Variants in WWOX observed in about 807,000 individuals in gnomAD.
WWOX encodes the protein WW domain-containing oxidoreductase.
Under a neutral mutation model 46.2 loss-of-function variants are expected in WWOX, and 69 were observed. That is an observed-to-expected ratio of 1.49 (90% CI 1.23 to 1.82). The LOEUF (loss-of-function observed/expected upper bound fraction) is 1.82. Among genes scored for constraint, WWOX ranks in the 40% most tolerant of loss-of-function variants. The pLI, the probability that WWOX is intolerant of heterozygous loss-of-function variation, is 0.00. For synonymous variants in WWOX, 359 were observed against 202.6 expected, an observed-to-expected ratio of 1.77 and a Z score of -6.56; for missense variants, 919 against 542.6, an observed-to-expected ratio of 1.69 and a Z score of -6.89.
At chr16:78,820,115 G>T (rs2051451901) in intron 8 of WWOX, among the ~76,000 whole-genome samples, 1 of 152,068 alleles carries the variant, frequency 6.6e-6, no homozygotes, top group Admixed American at 6.6e-5. Context: ...CATGGGCCTG[G>T]CACTCTAGTA....
chr16:79,207,750 G>A (rs931187932), intron 8 of WWOX, among the ~76,000 whole-genome samples: 7 of 151,728 alleles, frequency 4.6e-5, no homozygotes, highest in African/African-American at 1.5e-4. Flanking sequence ...TTATATTAGA[G>A]TACTAACCAA....
intron 5 of WWOX, among the ~76,000 whole-genome samples, chr16:78,286,821 ACT>A (rs1439834310): frequency 1.3e-5 from 2 of 152,124 alleles, no homozygotes; most frequent in Non-Finnish European, 2.9e-5. Context: ...AGCTGTCTCT[ACT>A]CTGTTATGCT....
chr16:78,299,090 G>C (rs2079994420), intron 5 of WWOX, among the ~76,000 whole-genome samples: 1 of 152,196 alleles, frequency 6.6e-6, no homozygotes, highest in African/African-American at 2.4e-5. Flanking sequence ...AGGTTAAATA[G>C]TTTGTCTCCA....
At chr16:78,226,451 C>A (rs2037058073) in intron 5 of WWOX, among the ~76,000 whole-genome samples, 1 of 150,998 alleles carries the variant, frequency 6.6e-6, no homozygotes, top group Non-Finnish European at 1.5e-5. Context: ...CCTTTCCTTT[C>A]TTGTCCTGTC....
intron 5 of WWOX, among the ~76,000 whole-genome samples, chr16:78,214,867 G>T (rs1314957711): frequency 6.6e-6 from 1 of 151,586 alleles, no homozygotes; most frequent in Non-Finnish European, 1.5e-5. Context: ...TAAAAATTTG[G>T]AGCTGGGCTG....
At chr16:78,828,881 A>G (rs183470578) in intron 8 of WWOX, among the ~76,000 whole-genome samples, 10 of 152,326 alleles carry the variant, frequency 6.6e-5, no homozygotes, top group Admixed American at 5.9e-4. Context: ...TCTTGTATGT[A>G]ATCCTAAAAT....
At chr16:78,736,273 G>A (rs922303810) in intron 8 of WWOX, among the ~76,000 whole-genome samples, 1 of 152,110 alleles carries the variant, frequency 6.6e-6, no homozygotes, top group Non-Finnish European at 1.5e-5. Context: ...CCTTCGTGTC[G>A]GACAGTCATA....
At chr16:78,578,254 T>TTATA (rs1194130355) in intron 8 of WWOX, among the ~76,000 whole-genome samples, 543 of 31,594 alleles carry the variant, frequency 0.017, 18 homozygotes, top group East Asian at 0.063. Context: ...ATACCAAATT[T>TTATA]TATATATATA....
intron 8 of WWOX, among the ~76,000 whole-genome samples, chr16:78,933,777 A>G (rs1221023317): frequency 6.6e-6 from 1 of 152,066 alleles, no homozygotes; most frequent in East Asian, 1.9e-4. Flanking sequence ...GCATGGGAAA[A>G]TCCTGCACCC....
intron 8 of WWOX, among the ~76,000 whole-genome samples, chr16:78,688,421 A>G (rs1470728135): frequency 1.3e-5 from 2 of 151,152 alleles, no homozygotes; most frequent in South Asian, 4.2e-4. Flanking sequence ...GTCCTGATGC[A>G]CTAAGTCTCA....
chr16:78,475,805 G>A (rs1169900208), intron 8 of WWOX, among the ~76,000 whole-genome samples: 1 of 152,096 alleles, frequency 6.6e-6, no homozygotes, highest in Non-Finnish European at 1.5e-5. Flanking sequence ...ATGTTAGCCA[G>A]GCTGGTCTTG....
At chr16:78,824,240 G>A (rs1317227167) in intron 8 of WWOX, among the ~76,000 whole-genome samples, 1 of 152,140 alleles carries the variant, frequency 6.6e-6, no homozygotes, top group Non-Finnish European at 1.5e-5. Context: ...GACACATTTA[G>A]ATGCTTCATT....
At chr16:78,643,178 T>TTGCA (rs2046760763) in intron 8 of WWOX, among the ~76,000 whole-genome samples, 1 of 152,168 alleles carries the variant, frequency 6.6e-6, no homozygotes, top group South Asian at 2.1e-4. Context: ...CTTGTAATAT[T>TTGCA]TGCAGCATGT....
intron 8 of WWOX, among the ~76,000 whole-genome samples, chr16:79,136,821 C>T (rs146036235): frequency 1.7e-3 from 254 of 152,232 alleles, no homozygotes; most frequent in African/African-American, 5.6e-3. Flanking sequence ...TGTGTTATGC[C>T]GGGAACTTCT....
At chr16:79,065,264 G>C (rs546232163) in intron 8 of WWOX, among the ~76,000 whole-genome samples, 56 of 152,276 alleles carry the variant, frequency 3.7e-4, no homozygotes, top group African/African-American at 1.2e-3. Flanking sequence ...TGACATTATG[G>C]CAGGAAAGAA....
chr16:78,753,844 ATATATATATATGTATATGTATATG>A (rs1567537570), intron 8 of WWOX, among the ~76,000 whole-genome samples: 1 of 106,870 alleles, frequency 9.4e-6, no homozygotes, highest in Non-Finnish European at 1.9e-5. Flanking sequence ...ATATATATAT[ATATATATATATGTATATGTATATG>A]TATATATAAA....
At chr16:78,509,465 A>G (rs954454076) in intron 8 of WWOX, among the ~76,000 whole-genome samples, 1 of 151,938 alleles carries the variant, frequency 6.6e-6, no homozygotes, top group East Asian at 1.9e-4. Context: ...TATAATAATA[A>G]TAATAATCGC....
At chr16:78,962,515 A>G (rs1384795715) in intron 8 of WWOX, among the ~76,000 whole-genome samples, 1 of 152,040 alleles carries the variant, frequency 6.6e-6, no homozygotes, top group Non-Finnish European at 1.5e-5. Flanking sequence ...AAAGGCTTAA[A>G]TAATGTATTC....
At chr16:78,710,576 A>T (rs892249323) in intron 8 of WWOX, among the ~76,000 whole-genome samples, 13 of 144,316 alleles carry the variant, frequency 9.0e-5, no homozygotes, top group African/African-American at 3.3e-4. Context: ...ATATATCTAA[A>T]TATATAAAAT....
Sources: allele counts gnomAD v4.1 joint callset (sites outside exome capture counted in the v4.1 genomes callset), GRCh38; gene constraint gnomAD v4.1.1; transcripts MANE v1.5; gene names NCBI Gene and HGNC (gene_info 2026-07-23, HGNC 2026-07-21).